Variants in REEP5 observed in about 807,000 individuals in gnomAD.
The protein encoded by REEP5 is receptor accessory protein 5.
REEP5 carries 24 observed loss-of-function variants against 22.4 expected under a neutral mutation model. That is an observed-to-expected ratio of 1.07 (90% CI 0.78 to 1.51). The LOEUF (loss-of-function observed/expected upper bound fraction) is 1.51, where lower values mean the gene tolerates loss of function less well. REEP5 is among the 40% of genes most tolerant of loss of function. The probability of loss-of-function intolerance (pLI) is 0.00; values close to 1 mark genes in which losing one functional copy is unlikely to be tolerated. For missense variants in REEP5, 252 were observed against 233.0 expected, an observed-to-expected ratio of 1.08 and a Z score of -0.53; for synonymous variants, 103 against 88.6, an observed-to-expected ratio of 1.16 and a Z score of -0.92.
At chr5:112,908,118 T>G (rs79756792) in intron 2 of REEP5, among the ~76,000 whole-genome samples, 2 of 146,372 alleles carry the variant, frequency 1.4e-5, no homozygotes, top group Non-Finnish European at 1.5e-5. Flanking sequence ...TTTTTTTTTT[T>G]TGATGGAGTC....
intron 4 of REEP5, among the ~76,000 whole-genome samples, chr5:112,886,159 G>C (rs1768236255): frequency 6.6e-6 from 1 of 152,214 alleles, no homozygotes; most frequent in African/African-American, 2.4e-5. Context: ...CTGGAGGATA[G>C]CAGAGAAGCC....
chr5:112,899,262 GTTTT>G (rs35060737), intron 3 of REEP5, among the ~76,000 whole-genome samples: 1 of 144,592 alleles, frequency 6.9e-6, no homozygotes, highest in Admixed American at 6.9e-5. Context: ...TTGGTTTTCG[GTTTT>G]TTTTTTTTTG....
intron 2 of REEP5, among the ~76,000 whole-genome samples, chr5:112,917,791 C>T (rs891817217): frequency 6.6e-6 from 1 of 152,198 alleles, no homozygotes; most frequent in Non-Finnish European, 1.5e-5. Context: ...ACATGAAATG[C>T]TCAGAATAGG....
chr5:112,884,614 T>C (rs1768177871), intron 4 of REEP5, among the ~76,000 whole-genome samples: 1 of 152,038 alleles, frequency 6.6e-6, no homozygotes, highest in Non-Finnish European at 1.5e-5. Flanking sequence ...CTCAAACTTC[T>C]GGCCTCAAGT....
intron 3 of REEP5, among the ~76,000 whole-genome samples, chr5:112,899,710 A>G (rs1246662487): frequency 1.3e-5 from 2 of 152,212 alleles, no homozygotes; most frequent in Admixed American, 6.5e-5. Flanking sequence ...TCATTTTTCA[A>G]TTCAACAAGA....
chr5:112,878,809 C>G lies in REEP5; in HGVS notation c.547G>C (p.Gly183Arg). The G allele has an allele frequency of 6.2e-7, 1 of 1,614,080 alleles. No individual in the cohort carries two copies. Among genetic ancestry groups the G allele is most frequent in the Non-Finnish European group, 8.5e-7 (1 of 1,180,012 alleles). The change falls in exon 5 of 5, where the codon GGT becomes CGT. Residue 183 changes from glycine (G) to arginine (R), a missense_variant. Gly to Arg is a moderately radical substitution (Grantham distance 125). Transcript: ENST00000379638. Reference sequence around the variant, plus strand: ...GTTTAGGTGCTCTTCTTTTCTTCACCCAGTAAATTCACGGTAGCTTTCTTC... The same window carrying G: ...GTTTAGGTGCTCTTCTTTTCTTCACGCAGTAAATTCACGGTAGCTTTCTTC... The part of the protein sequence containing the change: ...EAKKATVNLL[G>R]EEKKST
At chr5:112,895,563 T>A (rs1251995138) in intron 3 of REEP5, 2 of 152,202 alleles carry the variant, frequency 1.3e-5, no homozygotes, top group Non-Finnish European at 2.9e-5. Flanking sequence ...GACTGTTAAT[T>A]GACTACTTTC....
At chr5:112,907,089 T>C (rs1255638353) in intron 2 of REEP5, among the ~76,000 whole-genome samples, 3 of 152,242 alleles carry the variant, frequency 2.0e-5, no homozygotes, top group African/African-American at 7.2e-5. Context: ...AACTGTTCAC[T>C]AAGATTTCAA....
intron 4 of REEP5, among the ~76,000 whole-genome samples, chr5:112,883,548 C>A (rs1768140410): frequency 6.6e-6 from 1 of 152,136 alleles, no homozygotes; most frequent in Non-Finnish European, 1.5e-5. Context: ...CCTTAGACTC[C>A]CCAGCGTTCA....
intron 4 of REEP5, 78 bp from the exon 5 acceptor site, chr5:112,878,913 A>C: frequency 1.2e-6 from 2 of 1,607,444 alleles, no homozygotes; most frequent in Non-Finnish European, 1.7e-6. Flanking sequence ...CTTTGTGCCT[A>C]ATGTAGCTAC....
intron 3 of REEP5, among the ~76,000 whole-genome samples, chr5:112,888,555 GA>G (rs754859591): frequency 0.021 from 3,150 of 149,248 alleles, 112 homozygotes; most frequent in East Asian, 0.11. Flanking sequence ...AAGTAGCTGG[GA>G]ATGACTGCAG....
intron 2 of REEP5, among the ~76,000 whole-genome samples, chr5:112,909,526 G>A (rs1769043883): frequency 6.6e-6 from 1 of 152,044 alleles, no homozygotes; most frequent in Admixed American, 6.6e-5. Flanking sequence ...ATATGCTACA[G>A]GTAGTAAGAA....
At chr5:112,909,747 G>C (rs1439114081) in intron 2 of REEP5, among the ~76,000 whole-genome samples, 3 of 152,134 alleles carry the variant, frequency 2.0e-5, no homozygotes, top group East Asian at 3.9e-4. Context: ...CTCCACCCTT[G>C]CTGGCCCATC....
At chr5:112,906,271 C>G (rs1447868538) in intron 2 of REEP5, among the ~76,000 whole-genome samples, 2 of 152,120 alleles carry the variant, frequency 1.3e-5, no homozygotes, top group Non-Finnish European at 2.9e-5. Context: ...GTGCAGGGCA[C>G]CCAGCTACAA....
At chr5:112,883,196 C>A (rs1369691859) in intron 4 of REEP5, among the ~76,000 whole-genome samples, 1 of 152,262 alleles carries the variant, frequency 6.6e-6, no homozygotes, top group African/African-American at 2.4e-5. Flanking sequence ...TTCTGCTCTC[C>A]TTTGCAGGAA....
chr5:112,886,796 T>C (rs1328891529), intron 4 of REEP5, among the ~76,000 whole-genome samples: 1 of 152,248 alleles, frequency 6.6e-6, no homozygotes, highest in Non-Finnish European at 1.5e-5. Flanking sequence ...ATGTTCTGAC[T>C]GAAGGCTACA....
chr5:112,892,451 T>C, intron 3 of REEP5: 1 of 1,614,148 alleles, frequency 6.2e-7, no homozygotes, highest in South Asian at 1.1e-5. Context: ...GAACCTCACC[T>C]GAGGGGCAAT....
At position 112,877,515 on chromosome 5, in the gene REEP5, T is replaced by G. The variant is rs1056234723; in HGVS notation, c.*1271A>C. 1.3e-4 allele frequency: 20 copies of G among 152,312 alleles called. No individual in the cohort carries two copies. The highest frequency in any genetic ancestry group is 4.8e-4 in the African/African-American group (20 of 41,574). 9.4% of individuals were successfully genotyped at this position (152,312 alleles called of 1,614,324 possible). A position where few individuals can be genotyped will look rare whatever the true frequency, so the allele number is the denominator to read the frequency against. The stretch of plus-strand genomic sequence containing the variant: ...CTGTTCTGTACTTACTATGTAGTCA[T>G]GTGCAGCTTATCAACACAAAGAATA... On this transcript the variant is annotated 3_prime_UTR_variant, in exon 5 of 5. Coordinates refer to ENST00000379638, the MANE Select transcript of REEP5 (RefSeq NM_005669.5).
At chr5:112,893,525 T>TACA in intron 3 of REEP5, 4 of 155,496 alleles carry the variant, frequency 2.6e-5, no homozygotes, top group South Asian at 2.0e-4. Flanking sequence ...GCCAGGCCTC[T>TACA]CTTCACCTTT....
Sources: gnomAD v4.1 joint callset for allele counts (sites outside exome capture counted in the v4.1 genomes callset) on GRCh38, gnomAD v4.1.1 for gene constraint, MANE v1.5 for transcripts, NCBI Gene and HGNC (gene_info 2026-07-23, HGNC 2026-07-21) for gene names.